The following POLN variants were observed in gnomAD, a reference collection of about 807,000 sequenced individuals.
POLN encodes DNA polymerase N.
In POLN, 108 loss-of-function variants were observed where a neutral mutation model predicts 113.5. That is an observed-to-expected ratio of 0.95 (90% CI 0.81 to 1.12). POLN has a LOEUF of 1.12. Ranked by LOEUF, POLN falls within the 50% of genes most tolerant of loss-of-function variation. The pLI is 0.00. For missense variants in POLN, 1,097 were observed against 1,077.1 expected, an observed-to-expected ratio of 1.02 and a Z score of -0.26; for synonymous variants, 386 against 391.5, an observed-to-expected ratio of 0.99 and a Z score of 0.17.
chr4:2,214,868 T>TAC (rs35812508), intron 3 of POLN, among the ~76,000 whole-genome samples: 43 of 150,606 alleles, frequency 2.9e-4, no homozygotes, highest in Non-Finnish European at 4.9e-4. Context: ...TTTATATATA[T>TAC]ACACACACAC....
At chr4:2,108,064 A>C (rs1731110335) in intron 19 of POLN, among the ~76,000 whole-genome samples, 1 of 152,134 alleles carries the variant, frequency 6.6e-6, no homozygotes, top group Admixed American at 6.5e-5. Flanking sequence ...CCTGACTCCT[A>C]AACACTCAGT....
intron 23 of POLN, chr4:2,080,159 G>C (rs925885409): frequency 1.0e-6 from 1 of 986,050 alleles, no homozygotes; most frequent in Non-Finnish European, 1.2e-6. Flanking sequence ...GACTCCTGAG[G>C]GGATCCCGCA....
chr4:2,081,551 C>T (rs906308588), intron 22 of POLN, 82 bp downstream of exon 22: 12 of 1,309,106 alleles, frequency 9.2e-6, no homozygotes, highest in Admixed American at 9.1e-5. Context: ...CAACAGTGAT[C>T]GGTGGGTGCC....
rs1421593178 is a variant in POLN, at chr4:2,093,930, C to T, written c.2065+1921G>A. On this transcript the variant is annotated intron_variant, in intron 20 of 25. Coordinates refer to ENST00000511885, the MANE Select transcript of POLN (RefSeq NM_181808.4). The surrounding 1 kb of genome is among the most constrained non-coding windows in gnomAD (Gnocchi z 4.1). The stretch of plus-strand genomic sequence containing the variant: ...CCAGGCAGTGAGCTAACGTGATGAG[C>T]TCCTATCTTTGAGGTACTCATGTTT... Among the ~76,000 whole-genome samples, 1 of 152,208 alleles carries T rather than the reference C, an allele frequency of 6.6e-6. No individual in the cohort carries two copies. The highest frequency in any genetic ancestry group is 1.5e-5 in the Non-Finnish European group (1 of 68,046).
intron 3 of POLN, among the ~76,000 whole-genome samples, chr4:2,217,198 A>G (rs1280985185): frequency 2.0e-5 from 3 of 152,208 alleles, no homozygotes; most frequent in African/African-American, 7.2e-5. Flanking sequence ...ATGTGTTAAC[A>G]CTGGGGCCAC....
intron 2 of POLN, chr4:2,240,370 C>T (rs773514727): frequency 1.9e-6 from 3 of 1,605,070 alleles, no homozygotes; most frequent in East Asian, 2.2e-5. Flanking sequence ...GATAAAAATA[C>T]CAGTGGATTT....
chr4:2,072,375 G>C, intron 25 of POLN, 76 bp from the exon 26 acceptor site: 1 of 1,292,628 alleles, frequency 7.7e-7, no homozygotes, highest in South Asian at 1.5e-5. Context: ...CCAAGCAGGG[G>C]GACAGGGCCT....
intron 19 of POLN, among the ~76,000 whole-genome samples, chr4:2,105,127 T>C (rs1731031236): frequency 6.6e-6 from 1 of 152,180 alleles, no homozygotes; most frequent in African/African-American, 2.4e-5. Flanking sequence ...ACTGAACTCT[T>C]GTTCTGACCT....
chr4:2,092,461 G>A (rs567429635), intron 20 of POLN, among the ~76,000 whole-genome samples: 4 of 152,324 alleles, frequency 2.6e-5, no homozygotes, highest in South Asian at 2.1e-4. Flanking sequence ...GAGGAGCAGT[G>A]AGCCTGTGAG....
intron 6 of POLN, 109 bp from the exon 7 acceptor site, chr4:2,193,425 A>T (rs542229401): frequency 4.8e-6 from 3 of 624,094 alleles, no homozygotes; most frequent in African/African-American, 3.9e-5. Flanking sequence ...TAGCACATAC[A>T]CACATTCACT....
At chr4:2,198,801 A>C in intron 5 of POLN, 84 bp from the exon 6 acceptor site, 4 of 1,283,012 alleles carry the variant, frequency 3.1e-6, no homozygotes, top group Non-Finnish European at 4.2e-6. Flanking sequence ...AGCAGAGAGA[A>C]AGAGAAAAGG....
intron 2 of POLN, chr4:2,231,188 G>A (rs1734567251): frequency 6.6e-6 from 1 of 152,210 alleles, no homozygotes; most frequent in South Asian, 2.1e-4. Flanking sequence ...GAATTATGGA[G>A]GAATACAATT....
At chr4:2,218,111 A>T (rs1734155399) in intron 3 of POLN, among the ~76,000 whole-genome samples, 1 of 151,838 alleles carries the variant, frequency 6.6e-6, no homozygotes, top group South Asian at 2.1e-4. Context: ...ACACAGTAAG[A>T]CCCAGTCTCT....
At chr4:2,124,067 T>C (rs1731516504) in intron 19 of POLN, among the ~76,000 whole-genome samples, 1 of 152,152 alleles carries the variant, frequency 6.6e-6, no homozygotes, top group African/African-American at 2.4e-5. Flanking sequence ...TTGAAAATAC[T>C]ATGTTCAGCA....
intron 23 of POLN, chr4:2,078,907 A>G (rs1330979869): frequency 2.0e-6 from 2 of 985,180 alleles, no homozygotes; most frequent in African/African-American, 3.5e-5. Context: ...TCCTTTATCA[A>G]TTCCACAAGG....
chr4:2,184,898 C>T (rs1464085452), intron 7 of POLN, among the ~76,000 whole-genome samples: 9 of 152,038 alleles, frequency 5.9e-5, no homozygotes, highest in Non-Finnish European at 1.3e-4. Flanking sequence ...ATGAAAAAGG[C>T]TTTTTTTGAT....
chr4:2,184,678 C>T (rs142857614), intron 7 of POLN, among the ~76,000 whole-genome samples: 3 of 152,258 alleles, frequency 2.0e-5, no homozygotes, highest in East Asian at 1.9e-4. Flanking sequence ...ACTAATGTAA[C>T]AGGGCTCCTT....
intron 16 of POLN, among the ~76,000 whole-genome samples, chr4:2,154,371 C>T (rs551527736): frequency 2.6e-4 from 40 of 151,936 alleles, no homozygotes; most frequent in Non-Finnish European, 4.9e-4. Context: ...AATAAACACC[C>T]TCCAGAGAAA....
intron 20 of POLN, among the ~76,000 whole-genome samples, chr4:2,092,611 G>T (rs978714861): frequency 6.6e-6 from 1 of 152,208 alleles, no homozygotes; most frequent in Non-Finnish European, 1.5e-5. Flanking sequence ...CTCTCACAAA[G>T]TCCTGCTGCT....
Sources: gnomAD v4.1 joint callset for allele counts (sites outside exome capture counted in the v4.1 genomes callset) on GRCh38, gnomAD v4.1.1 for gene constraint, Gnocchi (gnomAD v3.1) non-coding constraint, MANE v1.5 for transcripts, NCBI Gene and HGNC (gene_info 2026-07-23, HGNC 2026-07-21) for gene names.